Variants in SLC28A2 observed in about 807,000 individuals in gnomAD.
The protein encoded by SLC28A2 is sodium/nucleoside cotransporter 2.
In SLC28A2, 69 loss-of-function variants were observed where a neutral mutation model predicts 72.9. The observed-to-expected ratio is 0.95, with a 90% CI of 0.78 to 1.16. SLC28A2 has a LOEUF of 1.16. Among genes scored for constraint, SLC28A2 ranks in the 50% most tolerant of loss-of-function variants. SLC28A2 has a pLI of 0.00. For missense variants in SLC28A2, 745 were observed against 791.1 expected (o/e 0.94, Z 0.70); for synonymous variants, 296 against 294.1 (o/e 1.01, Z -0.07).
In SLC28A2 at chr15:45,277,150, C is replaced by G. The variant is rs1428955830; in HGVS notation, c.*1637C>G. The G allele has an allele frequency of 6.6e-6, 1 of 151,716 alleles. No homozygotes were observed. Among genetic ancestry groups the G allele is most frequent in the Admixed American group, 6.6e-5 (1 of 15,214 alleles). The allele number at this position is 151,716 out of a possible 1,614,324, so 9.4% of individuals were successfully genotyped here. On this transcript the variant is annotated 3_prime_UTR_variant, in exon 18 of 18. Coordinates refer to ENST00000347644, the MANE Select transcript of SLC28A2 (RefSeq NM_004212.4). ...CCCACAACGAAGAATTACCTGGTCC[C>G]AAACGTCAATTGTGCTGAGACTCAG...
intron 5 of SLC28A2, among the ~76,000 whole-genome samples, chr15:45,263,539 G>A (rs1900229209): frequency 6.6e-6 from 1 of 152,196 alleles, no homozygotes; most frequent in Non-Finnish European, 1.5e-5. Flanking sequence ...CTTCAGTGAA[G>A]TAATCAGAAC....
At chr15:45,261,955 T>G in intron 3 of SLC28A2, 60 bp from the exon 4 acceptor site, 1 of 1,038,240 alleles carries the variant, frequency 9.6e-7, no homozygotes, top group South Asian at 1.3e-5. Context: ...ATTCTGAGAG[T>G]TGAATTAATA....
chr15:45,267,404 C>G (rs895372654), intron 10 of SLC28A2, 51 bp from the exon 11 acceptor site: 5 of 1,608,614 alleles, frequency 3.1e-6, no homozygotes, highest in Non-Finnish European at 4.3e-6. Context: ...GGCACACTGG[C>G]ATGGGGAGTT....
Position 45,276,369 on chromosome 15 carries a change from T to C in SLC28A2, c.*856T>C, listed in dbSNP as rs896417562. On this transcript the variant is annotated 3_prime_UTR_variant, in exon 18 of 18. Coordinates refer to ENST00000347644, the MANE Select transcript of SLC28A2 (RefSeq NM_004212.4). ...GGGGGAGGGATAGCATTAGGAGATATACCTAATGCTAAATGACGAGTTAAT... is the reference window on the plus strand; with the variant it reads ...GGGGGAGGGATAGCATTAGGAGATACACCTAATGCTAAATGACGAGTTAAT... 1 of 151,992 alleles carries C rather than the reference T, an allele frequency of 6.6e-6. No individual in the cohort carries two copies. Among genetic ancestry groups the C allele is most frequent in the Non-Finnish European group, 1.5e-5 (1 of 67,994 alleles). 9.4% of individuals were successfully genotyped at this position (151,992 alleles called of 1,614,324 possible).
intron 14 of SLC28A2, among the ~76,000 whole-genome samples, chr15:45,269,764 A>C (rs549799837): frequency 9.8e-5 from 15 of 152,288 alleles, no homozygotes; most frequent in African/African-American, 3.6e-4. Flanking sequence ...CCACTGCCCC[A>C]ACTGTGACCC....
At chr15:45,274,163 T>G (rs764749406) in intron 17 of SLC28A2, among the ~76,000 whole-genome samples, 5 of 152,128 alleles carry the variant, frequency 3.3e-5, no homozygotes, top group African/African-American at 9.7e-5. Flanking sequence ...AAAAGCCACC[T>G]CAGGTCGGGC....
intron 3 of SLC28A2, among the ~76,000 whole-genome samples, chr15:45,258,966 C>T (rs879213554): frequency 1.3e-5 from 2 of 152,106 alleles, no homozygotes; most frequent in African/African-American, 4.8e-5. Context: ...GTTATGAGAG[C>T]ATGTCTTTTT....
chr15:45,267,298 G>A (rs1228276245), intron 10 of SLC28A2, among the ~76,000 whole-genome samples, 157 bp from the exon 11 acceptor site: 5 of 152,204 alleles, frequency 3.3e-5, no homozygotes, highest in African/African-American at 4.8e-5. Context: ...CCTGACAGCC[G>A]GGCTCCGTGC....
chr15:45,266,126 AC>A lies in SLC28A2; in HGVS notation c.910del (p.Leu304TrpfsTer11), dbSNP rs762951919. On this transcript the variant is annotated frameshift_variant, in exon 10 of 18. Coordinates refer to ENST00000347644, the MANE Select transcript of SLC28A2 (RefSeq NM_004212.4). LOFTEE classifies it high-confidence loss of function. ...QITMGTTATE[T>X]LAVAGNIFVG... ...CACTATGGGCACCACTGCTACAGAG[AC>A]CCTGGCTGTGGCAGGAAACATCTTT... The A allele has an allele frequency of 5.0e-6, 8 of 1,613,920 alleles. No homozygotes were observed. In the South Asian group the frequency reaches 8.8e-5, roughly 18 times the overall value.
At chr15:45,272,182 C>A in intron 15 of SLC28A2, 113 bp from the exon 16 acceptor site, 1 of 755,090 alleles carries the variant, frequency 1.3e-6, no homozygotes, top group Non-Finnish European at 2.2e-6. Flanking sequence ...AATAAGGATG[C>A]TCTTCATCGG....
chr15:45,269,248 G>A, intron 13 of SLC28A2, 90 bp from the exon 14 acceptor site: 2 of 1,011,702 alleles, frequency 2.0e-6, no homozygotes, highest in Non-Finnish European at 3.1e-6. Context: ...GGGTGGAAGA[G>A]ATTGGGCCAA....
chr15:45,272,776 C>T lies in SLC28A2; in HGVS notation c.1851C>T (p.Leu617=). 6.3e-7 allele frequency: 1 copy of T among 1,580,800 alleles called. No homozygotes were observed. The highest frequency in any genetic ancestry group is 8.7e-7 in the Non-Finnish European group (1 of 1,149,516). Residue 617 remains leucine, a synonymous_variant, in exon 17 of 18, where the codon CTC becomes CTT. Coordinates refer to ENST00000347644, the MANE Select transcript of SLC28A2 (RefSeq NM_004212.4). Reference sequence around the variant, plus strand: ...AGACCTACATGTGCTGCAGAGGGCTCTTTCAGAGGTGAGCACCAGGACCCC... The same window carrying T: ...AGACCTACATGTGCTGCAGAGGGCTTTTTCAGAGGTGAGCACCAGGACCCC... ...TYETYMCCRG[L]FQSTSLNGTN...
rs1438501555 is a variant in SLC28A2, at chr15:45,263,959, C to A, written c.525C>A (p.Ile175=). The A allele has an allele frequency of 1.2e-6, 2 of 1,613,526 alleles. No individual in the cohort carries two copies. The highest frequency in any genetic ancestry group is 4.5e-5 in the East Asian group (2 of 44,890). Residue 175 remains isoleucine, a synonymous_variant, in exon 6 of 18, where the codon ATC becomes ATA. Transcript: ENST00000347644. The part of the protein sequence containing the change: ...LDTAQRPEQL[I]PFAGICMFIL... ...CAGCCCAAAGGCCAGAGCAGCTGAT[C>A]CCCTTTGCAGGAATCTGCATGTTCA...
chr15:45,263,251 T>C lies in SLC28A2; in HGVS notation c.446+7T>C, dbSNP rs778759468. The C allele has an allele frequency of 1.6e-5, 25 of 1,612,446 alleles. No homozygotes were observed. The highest frequency in any genetic ancestry group is 1.9e-5 in the Non-Finnish European group (22 of 1,179,478). On this transcript the variant is annotated splice_region_variant and intron_variant, in intron 5 of 17. Coordinates refer to ENST00000347644, the MANE Select transcript of SLC28A2 (RefSeq NM_004212.4). ...TGAGGCTTTGGACGAAATGGTAAGA[T>C]AAGAATCTCAATACCTGGCCTCACA...
At chr15:45,267,323 T>C in intron 10 of SLC28A2, 132 bp from the exon 11 acceptor site, 2 of 945,526 alleles carry the variant, frequency 2.1e-6, no homozygotes, top group Non-Finnish European at 3.3e-6. Context: ...TAAGTGAAGC[T>C]GTGGCTCACT....
chr15:45,260,001 C>T (rs1038213383), intron 3 of SLC28A2, among the ~76,000 whole-genome samples: 2 of 152,064 alleles, frequency 1.3e-5, no homozygotes, highest in African/African-American at 4.8e-5. Context: ...TAGGTCCCAA[C>T]AGGAAACAGA....
chr15:45,265,510 A>G, intron 8 of SLC28A2, 73 bp from the exon 9 acceptor site: 2 of 1,034,102 alleles, frequency 1.9e-6, no homozygotes, highest in Non-Finnish European at 3.1e-6. Context: ...GAATGCTAAG[A>G]GCTTAACTTA....
At position 45,277,052 on chromosome 15, in the gene SLC28A2, G is replaced by C. The variant is rs1452783442; in HGVS notation, c.*1539G>C. The C allele has an allele frequency of 2.6e-5, 4 of 152,048 alleles. No homozygotes were observed. The highest frequency in any genetic ancestry group is 2.1e-4 in the South Asian group (1 of 4,820). The allele number at this position is 152,048 out of a possible 1,614,324, so 9.4% of individuals were successfully genotyped here. A position where few individuals can be genotyped will look rare whatever the true frequency, so the allele number is the denominator to read the frequency against. ...CAGACATTATTGGTGATTAAAGTGGGAGGATGCTACTGACATCTAGTGAGT... is the reference window on the plus strand; with the variant it reads ...CAGACATTATTGGTGATTAAAGTGGCAGGATGCTACTGACATCTAGTGAGT... On this transcript the variant is annotated 3_prime_UTR_variant, in exon 18 of 18. Transcript: ENST00000347644.
At chr15:45,266,054 A>T in intron 9 of SLC28A2, 27 bp from the exon 10 acceptor site, 1 of 1,506,074 alleles carries the variant, frequency 6.6e-7, no homozygotes, top group Non-Finnish European at 9.2e-7. Flanking sequence ...GCTAACATTA[A>T]TGGTTTAGGT....
Sources: gnomAD v4.1 joint callset for allele counts (sites outside exome capture counted in the v4.1 genomes callset) on GRCh38, gnomAD v4.1.1 for gene constraint, MANE v1.5 for transcripts, NCBI Gene and HGNC (gene_info 2026-07-23, HGNC 2026-07-21) for gene names.